Variants in PRIM2 observed in about 807,000 individuals in gnomAD.
PRIM2 encodes DNA primase subunit 2.
PRIM2 carries 39 observed loss-of-function variants against 67.3 expected under a neutral mutation model. The observed-to-expected ratio is 0.58, with a 90% CI of 0.45 to 0.76. The LOEUF is 0.76. Ranked by LOEUF, PRIM2 falls within the 30% of genes least tolerant of loss-of-function variation. PRIM2 has a pLI of 0.00. For synonymous variants in PRIM2, 143 were observed against 198.7 expected, an observed-to-expected ratio of 0.72 and a Z score of 2.36; for missense variants, 398 against 598.7, an observed-to-expected ratio of 0.66 and a Z score of 3.50.
chr6:57,354,379 C>T (rs541877368), intron 5 of PRIM2, among the ~76,000 whole-genome samples: 2 of 152,168 alleles, frequency 1.3e-5, no homozygotes, highest in South Asian at 4.2e-4. Context: ...CAGAATTAGC[C>T]TAAATGTTGA....
At chr6:57,263,344 G>A in the PRIM2 span, among the ~76,000 whole-genome samples, 112 of 152,284 alleles carry the variant, frequency 7.4e-4, 1 homozygote, top group African/African-American at 2.7e-3. Context: ...CATTGATAGA[G>A]CCATCCTCTC....
At chr6:57,491,851 A>C (rs1176174789) in intron 7 of PRIM2, among the ~76,000 whole-genome samples, 4 of 152,148 alleles carry the variant, frequency 2.6e-5, no homozygotes, top group Admixed American at 6.5e-5. Flanking sequence ...CAGGGCTTTT[A>C]TTTAAAAGCT....
intron 5 of PRIM2, among the ~76,000 whole-genome samples, chr6:57,331,437 G>A (rs962429857): frequency 2.0e-5 from 3 of 152,136 alleles, no homozygotes; most frequent in African/African-American, 7.2e-5. Flanking sequence ...AATGAGTTGG[G>A]AAATGTTTCC....
At chr6:57,224,943 C>A in the PRIM2 span, among the ~76,000 whole-genome samples, 1 of 152,242 alleles carries the variant, frequency 6.6e-6, no homozygotes, top group African/African-American at 2.4e-5. Flanking sequence ...TCCTCCTCCC[C>A]ATCCCACACT....
chr6:57,493,405 T>A (rs1773940668), intron 7 of PRIM2, among the ~76,000 whole-genome samples: 1 of 152,206 alleles, frequency 6.6e-6, no homozygotes, highest in African/African-American at 2.4e-5. Context: ...ATACATGTGT[T>A]TTTTGGTAGT....
intron 7 of PRIM2, among the ~76,000 whole-genome samples, chr6:57,453,299 G>A (rs1345674728): frequency 3.9e-5 from 6 of 152,074 alleles, no homozygotes; most frequent in Admixed American, 2.0e-4. Context: ...GAACTTTAAG[G>A]TAGTTTTTTC....
At chr6:57,352,952 A>C (rs1768904334) in intron 5 of PRIM2, among the ~76,000 whole-genome samples, 1 of 152,182 alleles carries the variant, frequency 6.6e-6, no homozygotes, top group Admixed American at 6.5e-5. Context: ...AATAAAACTA[A>C]ATGCAGAGCA....
chr6:57,496,887 A>G (rs1774017027), intron 7 of PRIM2, among the ~76,000 whole-genome samples: 1 of 149,650 alleles, frequency 6.7e-6, no homozygotes, highest in Non-Finnish European at 1.5e-5. Flanking sequence ...ATGAAATGAC[A>G]CAGTGAAAAG....
the PRIM2 span, among the ~76,000 whole-genome samples, chr6:57,243,940 C>A: frequency 6.6e-6 from 1 of 152,202 alleles, no homozygotes; most frequent in East Asian, 1.9e-4. Context: ...TTAAAGTATA[C>A]CCCTGGCTGA....
At chr6:57,364,687 C>T (rs1255810716) in intron 5 of PRIM2, among the ~76,000 whole-genome samples, 2 of 152,002 alleles carry the variant, frequency 1.3e-5, no homozygotes, top group African/African-American at 2.4e-5. Flanking sequence ...CAAGAGTCTT[C>T]CGCTTGGCAG....
intron 5 of PRIM2, among the ~76,000 whole-genome samples, chr6:57,376,208 C>T (rs55920946): frequency 5.9e-4 from 90 of 152,102 alleles, no homozygotes; most frequent in Non-Finnish European, 1.2e-3. Context: ...AGATGGGGGT[C>T]TCACTTAGTC....
chr6:57,390,530 C>T (rs985921653), intron 7 of PRIM2, among the ~76,000 whole-genome samples: 2 of 152,066 alleles, frequency 1.3e-5, no homozygotes, highest in African/African-American at 4.8e-5. Flanking sequence ...TTCTGCTCCT[C>T]TCCTTCCTCC....
At chr6:57,453,997 G>A (rs1268489332) in intron 7 of PRIM2, among the ~76,000 whole-genome samples, 2 of 152,178 alleles carry the variant, frequency 1.3e-5, no homozygotes, top group African/African-American at 4.8e-5. Context: ...TTAGCATGAA[G>A]GGTTGTCGAA....
the PRIM2 span, among the ~76,000 whole-genome samples, chr6:57,309,030 G>C: frequency 6.6e-6 from 1 of 151,828 alleles, no homozygotes; most frequent in Non-Finnish European, 1.5e-5. Flanking sequence ...GAGAAGGTCA[G>C]CAGATAAACA....
At chr6:57,357,125 G>A (rs184774850) in intron 5 of PRIM2, among the ~76,000 whole-genome samples, 1 of 151,940 alleles carries the variant, frequency 6.6e-6, no homozygotes, top group East Asian at 1.9e-4. Flanking sequence ...GTAGAGACAG[G>A]GTTTCACCAT....
In PRIM2 at chr6:57,489,014, G is replaced by A. The variant is rs1298203571; in HGVS notation, c.694-18373G>A. ...AAGAGATATGCGCAGCACAACTTGT[G>A]AGAACTCTTTATCTCTTTATAAGGA... On this transcript the variant is annotated intron_variant, in intron 7 of 13. Transcript: ENST00000615550. Among the ~76,000 whole-genome samples, 5 of 152,188 alleles carry A rather than the reference G, an allele frequency of 3.3e-5. No individual in the cohort carries two copies. In the East Asian group the frequency reaches 9.6e-4, roughly 29 times the overall value.
At chr6:57,241,149 A>G in the PRIM2 span, among the ~76,000 whole-genome samples, 49 of 150,790 alleles carry the variant, frequency 3.2e-4, no homozygotes, top group South Asian at 2.3e-3. Flanking sequence ...GCGTGAACCC[A>G]GGAGGCGGAG....
chr6:57,566,220 T>C (rs1431273461), intron 10 of PRIM2, among the ~76,000 whole-genome samples: 264 of 151,568 alleles, frequency 1.7e-3, no homozygotes, highest in Non-Finnish European at 3.1e-3. Context: ...AAGACTTACG[T>C]AGATTCAGGC....
At chr6:57,604,135 C>T (rs1776520508) in intron 11 of PRIM2, among the ~76,000 whole-genome samples, 2 of 152,034 alleles carry the variant, frequency 1.3e-5, no homozygotes, top group Admixed American at 1.3e-4. Context: ...GGTGAAACCT[C>T]ATTTCTACTA....
Sources: gnomAD v4.1 joint callset for allele counts (sites outside exome capture counted in the v4.1 genomes callset) on GRCh38, gnomAD v4.1.1 for gene constraint, MANE v1.5 for transcripts, NCBI Gene and HGNC (gene_info 2026-07-23, HGNC 2026-07-21) for gene names.